PAAF1: variants seen among roughly 807,000 people sequenced by gnomAD.
PAAF1 encodes the protein proteasomal ATPase-associated factor 1.
Under a neutral mutation model 52.8 loss-of-function variants are expected in PAAF1, and 46 were observed. That is an observed-to-expected ratio of 0.87 (90% CI 0.69 to 1.11). PAAF1 has a LOEUF of 1.11. Among genes scored for constraint, PAAF1 ranks in the 50% most tolerant of loss-of-function variants. The pLI is 0.00. For synonymous variants in PAAF1, 178 were observed against 172.8 expected (o/e 1.03, Z -0.24); for missense variants, 424 against 477.4 (o/e 0.89, Z 1.04).
intron 4 of PAAF1, among the ~76,000 whole-genome samples, chr11:73,895,414 A>G (rs1264863637): frequency 3.9e-5 from 6 of 152,220 alleles, no homozygotes; most frequent in Non-Finnish European, 8.8e-5. Context: ...TCAGGACAGA[A>G]CCTGAAGTAT....
At chr11:73,925,476 A>G (rs993903951) in intron 11 of PAAF1, among the ~76,000 whole-genome samples, 1 of 152,034 alleles carries the variant, frequency 6.6e-6, no homozygotes, top group Non-Finnish European at 1.5e-5. Context: ...AAAAAAAAAA[A>G]AAAAAAGTGA....
At chr11:73,888,027 C>A (rs1477943324) in intron 3 of PAAF1, among the ~76,000 whole-genome samples, 1 of 152,132 alleles carries the variant, frequency 6.6e-6, no homozygotes, top group Non-Finnish European at 1.5e-5. Flanking sequence ...AGATTACAGG[C>A]GTGAGCTACC....
chr11:73,902,750 G>A (rs990088775), intron 6 of PAAF1, among the ~76,000 whole-genome samples: 14 of 152,136 alleles, frequency 9.2e-5, no homozygotes, highest in Non-Finnish European at 2.1e-4. Context: ...AGGCTGGGGT[G>A]CAGTGGCGCG....
In PAAF1 at chr11:73,886,693, A is replaced by G. The variant is rs1354371779; in HGVS notation, c.89-661A>G. 2.0e-5 allele frequency among the ~76,000 whole-genome samples: 3 copies of G among 151,254 alleles called. No homozygotes were observed. In the East Asian group the frequency reaches 5.8e-4, roughly 29 times the overall value. On this transcript the variant is annotated intron_variant, in intron 2 of 11. Coordinates refer to ENST00000310571, the MANE Select transcript of PAAF1 (RefSeq NM_025155.3). The stretch of plus-strand genomic sequence containing the variant: ...ATCTCAAAAAAAAAAAAAAAAAAAA[A>G]AAAAAGAAAATGTATTTTAGTCTTG...
intron 1 of PAAF1, 167 bp downstream of exon 1, chr11:73,877,235 A>C (rs545954519): frequency 7.5e-5 from 48 of 636,670 alleles, no homozygotes; most frequent in Non-Finnish European, 1.0e-4. Context: ...CCGTATGGTC[A>C]TTCTCTGAAA....
chr11:73,913,906 C>T (rs1591114125), intron 7 of PAAF1, among the ~76,000 whole-genome samples: 1 of 151,948 alleles, frequency 6.6e-6, no homozygotes, highest in African/African-American at 2.4e-5. Context: ...GGGCTTATTG[C>T]CAGCCATGGT....
At chr11:73,892,273 T>G (rs924418717) in intron 4 of PAAF1, among the ~76,000 whole-genome samples, 1 of 144,906 alleles carries the variant, frequency 6.9e-6, no homozygotes, top group Non-Finnish European at 1.5e-5. Flanking sequence ...CAGTGAGCCA[T>G]GATCATGCCA....
At chr11:73,914,343 T>C in intron 7 of PAAF1, 70 bp from the exon 8 acceptor site, 1 of 1,252,500 alleles carries the variant, frequency 8.0e-7, no homozygotes, top group African/African-American at 1.5e-5. Context: ...CAACCATCAG[T>C]ATTGGTGCTG....
chr11:73,880,687 G>GAAAAAAAAAA (rs58934862), intron 2 of PAAF1: 2 of 40,608 alleles, frequency 4.9e-5, no homozygotes, highest in African/African-American at 1.4e-4. Context: ...ACTCTGTCTC[G>GAAAAAAAAAA]AAAAAAAAAA....
intron 2 of PAAF1, among the ~76,000 whole-genome samples, chr11:73,886,739 T>G (rs1474345192): frequency 1.4e-5 from 2 of 146,362 alleles, no homozygotes; most frequent in African/African-American, 5.1e-5. Flanking sequence ...CCCTTTCAAA[T>G]TAGAGTTTAG....
rs535823980 is a variant in PAAF1 at position 73,921,365 on chromosome 11, G to T, written c.1018+2333G>T. Among the ~76,000 whole-genome samples the T allele has an allele frequency of 9.5e-4, 144 of 150,938 alleles. 1 individual carries two copies. The highest frequency in any genetic ancestry group is 3.3e-3 in the African/African-American group (135 of 41,204). On this transcript the variant is annotated intron_variant, in intron 10 of 11. Coordinates refer to ENST00000310571, the MANE Select transcript of PAAF1 (RefSeq NM_025155.3). ...TTATATGAGGAGTGTAGGTGGAGAA[G>T]AGCTGACTCATGGTTCTACTTTTTG...
intron 10 of PAAF1, chr11:73,922,204 C>T: frequency 2.5e-6 from 2 of 812,612 alleles, no homozygotes; most frequent in Non-Finnish European, 2.0e-6. Context: ...TTGGTGGCGC[C>T]CGGGTTTCAA....
At chr11:73,904,250 A>C (rs1328545478) in intron 6 of PAAF1, among the ~76,000 whole-genome samples, 2 of 152,074 alleles carry the variant, frequency 1.3e-5, no homozygotes, top group Non-Finnish European at 2.9e-5. Context: ...GTAGACTAAA[A>C]GTAGTTTTGT....
intron 8 of PAAF1, among the ~76,000 whole-genome samples, 176 bp from the exon 9 acceptor site, chr11:73,916,368 TG>T (rs1481316184): frequency 6.6e-6 from 1 of 152,212 alleles, no homozygotes; most frequent in Non-Finnish European, 1.5e-5. Context: ...CCTGAAATCC[TG>T]GGAGTACTTC....
chr11:73,894,659 A>C (rs1425729199), intron 4 of PAAF1, among the ~76,000 whole-genome samples: 1 of 151,568 alleles, frequency 6.6e-6, no homozygotes, highest in African/African-American at 2.4e-5. Flanking sequence ...TAAAAAAAAT[A>C]AAAATAAAAA....
At chr11:73,878,221 G>A (rs1948798801) in intron 1 of PAAF1, among the ~76,000 whole-genome samples, 1 of 152,196 alleles carries the variant, frequency 6.6e-6, no homozygotes. Flanking sequence ...AGCTACCTAT[G>A]AGAAAATACA....
intron 4 of PAAF1, among the ~76,000 whole-genome samples, chr11:73,898,245 G>A (rs1205526596): frequency 7.5e-6 from 1 of 134,080 alleles, no homozygotes; most frequent in African/African-American, 2.8e-5. Context: ...AGAGGGAGAG[G>A]GAGAAGGAGA....
intron 4 of PAAF1, among the ~76,000 whole-genome samples, chr11:73,893,524 G>A (rs998640882): frequency 2.0e-5 from 3 of 151,120 alleles, no homozygotes; most frequent in Non-Finnish European, 3.0e-5. Context: ...ATCACCTGAG[G>A]TGAGGAGTTC....
chr11:73,919,075 C>A, intron 10 of PAAF1, 43 bp downstream of exon 10: 2 of 1,518,614 alleles, frequency 1.3e-6, no homozygotes, highest in South Asian at 1.2e-5. Context: ...CTCTGTAGTT[C>A]AGTTAATTAA....
Sources: allele counts gnomAD v4.1 joint callset (sites outside exome capture counted in the v4.1 genomes callset), GRCh38; gene constraint gnomAD v4.1.1; transcripts MANE v1.5; gene names NCBI Gene and HGNC (gene_info 2026-07-23, HGNC 2026-07-21).